Variants in SYTL2 observed in about 807,000 individuals in gnomAD.
The protein encoded by SYTL2 is synaptotagmin-like protein 2.
A neutral mutation model predicts 198.7 loss-of-function variants in SYTL2; 165 were observed. The ratio of observed to expected loss-of-function variants is 0.83; its 90% CI spans 0.73 to 0.94. The LOEUF is 0.94. SYTL2 is among the 40% of genes least tolerant of loss of function. The pLI is 0.00. For synonymous variants in SYTL2, 966 were observed against 917.7 expected (o/e 1.05, Z -0.95); for missense variants, 2,835 against 2,582.8 (o/e 1.10, Z -2.12).
At chr11:85,741,893 A>T (rs1233042949) in intron 4 of SYTL2, among the ~76,000 whole-genome samples, 1 of 152,232 alleles carries the variant, frequency 6.6e-6, no homozygotes, top group African/African-American at 2.4e-5. Context: ...AAGCACAAAG[A>T]CTTACCAAAT....
rs756761117 is a variant in SYTL2 at position 85,724,844 on chromosome 11, A to T, written c.4514T>A (p.Leu1505Gln). 6 of 1,613,626 alleles carry T rather than the reference A, an allele frequency of 3.7e-6. No homozygotes were observed. The highest frequency in any genetic ancestry group is 3.4e-6 in the Non-Finnish European group (4 of 1,179,920). ...GGGGAAGGTTTCAGTTTCTTCCTTC[A>T]GTAGTTTTTCTAAGCCAGCACTGAA... ...LEFSAGLEKL[L>Q]KEETETFPSK... The change falls in exon 8 of 20, where the codon CTG becomes CAG. Residue 1505 changes from leucine (L) to glutamine (Q), a missense_variant. Transcript: ENST00000359152.
At chr11:85,700,213 T>C (rs1215731546) in intron 17 of SYTL2, among the ~76,000 whole-genome samples, 3 of 152,132 alleles carry the variant, frequency 2.0e-5, no homozygotes, top group African/African-American at 7.2e-5. Context: ...CAGGTTCAGA[T>C]TTGCAAGATG....
the SYTL2 span, among the ~76,000 whole-genome samples, chr11:85,817,740 T>C: frequency 5.9e-5 from 9 of 152,252 alleles, no homozygotes; most frequent in East Asian, 7.7e-4. Context: ...TTGTGAGTTA[T>C]TGTATACAGG....
the SYTL2 span, among the ~76,000 whole-genome samples, chr11:85,832,743 C>A: frequency 6.7e-6 from 1 of 149,356 alleles, no homozygotes; most frequent in Non-Finnish European, 1.5e-5. Context: ...CTAATCTCAG[C>A]AGTTTGGGAG....
At chr11:85,700,457 C>T (rs1481291286) in intron 17 of SYTL2, 58 bp downstream of exon 17, 1 of 1,387,806 alleles carries the variant, frequency 7.2e-7, no homozygotes, top group Non-Finnish European at 1.0e-6. Flanking sequence ...ATAGTAAATA[C>T]TGTGAGAAGG....
intron 1 of SYTL2, among the ~76,000 whole-genome samples, chr11:85,789,368 AT>A (rs1566026268): frequency 2.9e-4 from 15 of 52,366 alleles, no homozygotes; most frequent in South Asian, 2.3e-3. Context: ...ATATATATAT[AT>A]ATATATATGT....
the SYTL2 span, among the ~76,000 whole-genome samples, chr11:85,829,454 G>C: frequency 2.0e-5 from 3 of 152,124 alleles, no homozygotes; most frequent in African/African-American, 7.2e-5. Flanking sequence ...ATCCACTGTC[G>C]ATGGGCACGT....
Position 85,734,164 on chromosome 11 carries a change from T to C in SYTL2, c.1165A>G (p.Lys389Glu). 1 of 1,614,158 alleles carries C rather than the reference T, an allele frequency of 6.2e-7. No homozygotes were observed. Among genetic ancestry groups the C allele is most frequent in the Non-Finnish European group, 8.5e-7 (1 of 1,179,990 alleles). ...QSDPKPSQYR[K>E]PSLFHQSTSS... ...GTTGATTGATGAAAAAGCGAAGGCT[T>C]TCTGTATTGAGAAGGCTTAGGGTCA... The change falls in exon 7 of 20, where the codon AAG (lysine) becomes GAG (glutamate). Residue 389 changes from lysine to glutamate, a missense_variant. Lys to Glu is a moderately conservative substitution (Grantham distance 56). This residue lies in a region of SYTL2 where 2,645 missense variants were observed against 2,381.7 expected (regional missense o/e 1.11). Transcript: ENST00000359152.
chr11:85,751,931 A>G (rs987557328), intron 2 of SYTL2, among the ~76,000 whole-genome samples: 1 of 152,236 alleles, frequency 6.6e-6, no homozygotes, highest in African/African-American at 2.4e-5. Context: ...TAAAAATTCT[A>G]TCTACAGCCC....
At chr11:85,796,613 C>A (rs1296150703) in intron 1 of SYTL2, among the ~76,000 whole-genome samples, 5 of 152,186 alleles carry the variant, frequency 3.3e-5, no homozygotes, top group African/African-American at 4.8e-5. Flanking sequence ...TGCAGAGTAC[C>A]ATGAGCTTTG....
intron 17 of SYTL2, among the ~76,000 whole-genome samples, chr11:85,700,227 A>G (rs922534754): frequency 6.6e-5 from 10 of 152,192 alleles, no homozygotes; most frequent in Admixed American, 2.0e-4. Context: ...CAAGATGAAA[A>G]GGTTCTGGAG....
chr11:85,833,154 G>GGAAGGAAGGAAGGAAA, the SYTL2 span, among the ~76,000 whole-genome samples: 1 of 55,686 alleles, frequency 1.8e-5, no homozygotes, highest in South Asian at 4.2e-4. Flanking sequence ...AAGGAAGGAA[G>GGAAGGAAGGAAGGAAA]GAAAGAAAGA....
At chr11:85,728,149 G>A (rs1008305868) in intron 7 of SYTL2, 182 bp from the exon 8 acceptor site, 7 of 573,702 alleles carry the variant, frequency 1.2e-5, no homozygotes, top group East Asian at 2.9e-5. Flanking sequence ...TCTACCAAAG[G>A]TGCCCTATGA....
Position 85,726,036 on chromosome 11 carries a change from C to A in SYTL2, c.3322G>T (p.Asp1108Tyr), listed in dbSNP as rs772851342. ...TCTTGAATCTCTTGTTCTGAGTAAT[C>A]CTTTTCTTCCTTAAACACTGGAGTA... is the stretch of plus-strand genomic sequence containing the variant. ...IVTPVFKEEKDYSEQEIQESI... is the reference protein window; with the variant it reads ...IVTPVFKEEKYYSEQEIQESI... The change falls in exon 8 of 20, where the codon GAT becomes TAT. Residue 1108 changes from aspartate to tyrosine, a missense_variant. Around this residue, in one of 3 missense-constraint regions of SYTL2, gnomAD observed 2,645 missense variants for 2,381.7 expected, o/e 1.11. Coordinates refer to ENST00000359152, the MANE Select transcript of SYTL2 (RefSeq NM_206927.4). The A allele has an allele frequency of 1.6e-5, 26 of 1,612,632 alleles. No homozygotes were observed. Among genetic ancestry groups the A allele is most frequent in the Middle Eastern group, 1.6e-4 (1 of 6,074 alleles).
chr11:85,764,691 G>A (rs2092192285), intron 1 of SYTL2, among the ~76,000 whole-genome samples: 1 of 152,156 alleles, frequency 6.6e-6, no homozygotes, highest in South Asian at 2.1e-4. Flanking sequence ...GCTCTTCTAA[G>A]GACAACTTGT....
chr11:85,808,635 T>C (rs1342823175), intron 1 of SYTL2, among the ~76,000 whole-genome samples: 2 of 152,126 alleles, frequency 1.3e-5, no homozygotes, highest in African/African-American at 4.8e-5. Flanking sequence ...TATATAACAA[T>C]CTGCCAGGAC....
chr11:85,793,813 A>G (rs2092765325), intron 1 of SYTL2, among the ~76,000 whole-genome samples: 1 of 152,256 alleles, frequency 6.6e-6, no homozygotes, highest in Non-Finnish European at 1.5e-5. Context: ...CTGTAGCTTT[A>G]ATTTGGCAAG....
At chr11:85,799,958 A>T (rs2092860440) in intron 1 of SYTL2, among the ~76,000 whole-genome samples, 1 of 152,154 alleles carries the variant, frequency 6.6e-6, no homozygotes, top group Non-Finnish European at 1.5e-5. Flanking sequence ...TTTATCAACA[A>T]ATGTTCACTG....
intron 14 of SYTL2, chr11:85,708,020 G>A (rs1177605743): frequency 2.9e-6 from 1 of 342,688 alleles, no homozygotes; most frequent in South Asian, 2.2e-5. Flanking sequence ...AAAGTTAGCT[G>A]GGTGTGGTGA....
Sources: allele counts gnomAD v4.1 joint callset (sites outside exome capture counted in the v4.1 genomes callset), GRCh38; gene constraint gnomAD v4.1.1; regional missense constraint gnomAD v4.1.1; transcripts MANE v1.5; gene names NCBI Gene and HGNC (gene_info 2026-07-23, HGNC 2026-07-21).